The following INPP4B variants were observed in gnomAD, a reference collection of about 807,000 sequenced individuals.
INPP4B encodes the protein inositol polyphosphate-4-phosphatase type II B.
INPP4B carries 55 observed loss-of-function variants against 122.5 expected under a neutral mutation model. The observed-to-expected ratio is 0.45, with a 90% CI of 0.36 to 0.56. INPP4B has a LOEUF of 0.56. Among genes scored for constraint, INPP4B ranks in the 20% least tolerant of loss-of-function variants. The pLI, the probability that INPP4B is intolerant of heterozygous loss-of-function variation, is 0.00. For synonymous variants in INPP4B, 403 were observed against 388.7 expected (o/e 1.04, Z -0.43); for missense variants, 1,000 against 1,097.7 (o/e 0.91, Z 1.26).
intron 1 of INPP4B, among the ~76,000 whole-genome samples, chr4:142,759,822 T>C (rs865917650): frequency 2.9e-5 from 3 of 102,534 alleles, no homozygotes; most frequent in Non-Finnish European, 5.9e-5. Flanking sequence ...ATAGAGCTTT[T>C]TCTAAAAAAA....
intron 3 of INPP4B, among the ~76,000 whole-genome samples, chr4:142,450,154 C>T (rs1399428689): frequency 6.6e-6 from 1 of 152,176 alleles, no homozygotes; most frequent in Non-Finnish European, 1.5e-5. Context: ...TCTCCCCAGC[C>T]TCAGCTCTGC....
intron 7 of INPP4B, among the ~76,000 whole-genome samples, chr4:142,331,427 C>T (rs1238375355): frequency 1.3e-5 from 2 of 152,152 alleles, no homozygotes; most frequent in East Asian, 1.9e-4. Context: ...GTACTGTGAA[C>T]CTGGCTGCAA....
At chr4:142,250,952 C>A (rs77384520) in intron 11 of INPP4B, among the ~76,000 whole-genome samples, 5,834 of 152,200 alleles carry the variant, frequency 0.038, 367 homozygotes, top group African/African-American at 0.13. Flanking sequence ...AATTTTATGT[C>A]AGTAGTTTTT....
At chr4:142,693,555 T>C (rs879711523) in intron 2 of INPP4B, among the ~76,000 whole-genome samples, 25 of 141,090 alleles carry the variant, frequency 1.8e-4, no homozygotes, top group Non-Finnish European at 2.4e-4. Flanking sequence ...TTTAAGGAAC[T>C]CTCCATTTGT....
At chr4:142,524,780 C>T (rs1221412788) in intron 2 of INPP4B, among the ~76,000 whole-genome samples, 1 of 151,758 alleles carries the variant, frequency 6.6e-6, no homozygotes, top group African/African-American at 2.4e-5. Flanking sequence ...CAGCCAATAT[C>T]ATACTGAATG....
chr4:142,159,598 T>C lies in INPP4B; in HGVS notation c.1563+760A>G, dbSNP rs78018875. Among the ~76,000 whole-genome samples, 1,271 of 152,144 alleles carry C rather than the reference T, an allele frequency of 8.4e-3. 12 individuals are homozygous for C. The highest frequency in any genetic ancestry group is 0.028 in the African/African-American group (1,154 of 41,504). On this transcript the variant is annotated intron_variant, in intron 17 of 25. Transcript: ENST00000262992. ...TACAGCTAGCACACTATTTTTTTTG[T>C]TAAACATATGATACAGTAATAGATT...
intron 2 of INPP4B, among the ~76,000 whole-genome samples, chr4:142,500,710 A>C (rs2149817872): frequency 6.6e-6 from 1 of 152,156 alleles, no homozygotes; most frequent in Middle Eastern, 3.4e-3. Context: ...AAAAGAAGGA[A>C]ATTCTGTCAT....
intron 12 of INPP4B, among the ~76,000 whole-genome samples, chr4:142,233,952 T>C (rs761327029): frequency 3.9e-5 from 6 of 152,110 alleles, no homozygotes; most frequent in Non-Finnish European, 8.8e-5. Context: ...ATCAGCTTCG[T>C]CCATAAAAAA....
intron 2 of INPP4B, among the ~76,000 whole-genome samples, chr4:142,640,284 A>G (rs1750105498): frequency 6.6e-6 from 1 of 152,182 alleles, no homozygotes; most frequent in Non-Finnish European, 1.5e-5. Context: ...GACTTGCTCT[A>G]TTGGAAATTA....
intron 7 of INPP4B, among the ~76,000 whole-genome samples, chr4:142,361,679 T>C (rs1268527558): frequency 1.3e-5 from 2 of 151,954 alleles, no homozygotes; most frequent in Non-Finnish European, 2.9e-5. Context: ...TTGATTAAAA[T>C]TTGTAATTAT....
rs200198925 is a variant in INPP4B at position 142,082,196 on chromosome 4, T to C, written c.2488-11A>G. 19 of 1,496,148 alleles carry C rather than the reference T, an allele frequency of 1.3e-5. No individual in the cohort carries two copies. The South Asian group carries it at 1.4e-4, about 11-fold the overall frequency. 92.7% of individuals were successfully genotyped at this position (1,496,148 alleles called of 1,614,324 possible). A position where few individuals can be genotyped will look rare whatever the true frequency, so the allele number is the denominator to read the frequency against. On this transcript the variant is annotated splice_polypyrimidine_tract_variant and intron_variant, in intron 24 of 25. Transcript: ENST00000262992. ...CAGTTTGCGGCAAATCTGTAACATA[T>C]GTAAGAACGAACGTTTCTTGTTCAT...
intron 2 of INPP4B, among the ~76,000 whole-genome samples, chr4:142,638,030 T>A (rs1425349645): frequency 2.6e-5 from 4 of 152,186 alleles, no homozygotes; most frequent in Admixed American, 2.0e-4. Context: ...TTTGCCCATT[T>A]AAAAAAATTA....
At chr4:142,522,361 A>G (rs1414190672) in intron 2 of INPP4B, among the ~76,000 whole-genome samples, 1 of 110,378 alleles carries the variant, frequency 9.1e-6, no homozygotes, top group Non-Finnish European at 1.7e-5. Context: ...CCGAGACATG[A>G]GATTTCCCTA....
chr4:142,091,381 G>A (rs559076184), intron 23 of INPP4B, among the ~76,000 whole-genome samples: 11 of 152,092 alleles, frequency 7.2e-5, no homozygotes, highest in South Asian at 2.1e-4. Context: ...GCAAGAATCC[G>A]GTCATGCGTC....
chr4:142,324,381 C>T (rs1308815557), intron 7 of INPP4B, among the ~76,000 whole-genome samples: 1 of 152,118 alleles, frequency 6.6e-6, no homozygotes, highest in Non-Finnish European at 1.5e-5. Flanking sequence ...CCTGACTGGC[C>T]TTTGCTTCTC....
intron 16 of INPP4B, among the ~76,000 whole-genome samples, chr4:142,161,138 T>C (rs1199522855): frequency 6.6e-6 from 1 of 151,982 alleles, no homozygotes; most frequent in Admixed American, 6.6e-5. Context: ...CCTGTTTTCC[T>C]TATTATCACC....
At chr4:142,583,929 TATTCC>T (rs1735629268) in intron 2 of INPP4B, among the ~76,000 whole-genome samples, 1 of 152,052 alleles carries the variant, frequency 6.6e-6, no homozygotes, top group Non-Finnish European at 1.5e-5. Flanking sequence ...TAAATAATTC[TATTCC>T]AATCAAAATT....
chr4:142,150,276 T>C (rs1022142335), intron 17 of INPP4B, among the ~76,000 whole-genome samples: 4 of 152,154 alleles, frequency 2.6e-5, no homozygotes, highest in Non-Finnish European at 5.9e-5. Context: ...AACGGTAGCA[T>C]AAGAATGTGG....
Position 142,823,980 on chromosome 4 carries a change from A to G in INPP4B, c.-254+22229T>C, listed in dbSNP as rs542936756. ...CACCAATGTGAGAAGGCATCATCCA[A>G]TCCATTGAGGGCCTGAATAGAACAG... On this transcript the variant is annotated intron_variant, in intron 1 of 25. Coordinates refer to ENST00000262992, the MANE Select transcript of INPP4B (RefSeq NM_001101669.3). Among the ~76,000 whole-genome samples, 5 of 152,264 alleles carry G rather than the reference A, an allele frequency of 3.3e-5. No homozygotes were observed. The East Asian group carries it at 9.7e-4, about 29-fold the overall frequency.
Sources: allele counts gnomAD v4.1 joint callset (sites outside exome capture counted in the v4.1 genomes callset), GRCh38; gene constraint gnomAD v4.1.1; transcripts MANE v1.5; gene names NCBI Gene and HGNC (gene_info 2026-07-23, HGNC 2026-07-21).